Variants in ZFP1 observed in about 807,000 individuals in gnomAD.
The protein encoded by ZFP1 is ZFP1 zinc finger protein, also known as zinc finger protein 1 homolog.
Under a neutral mutation model 38.5 loss-of-function variants are expected in ZFP1, and 32 were observed. The ratio of observed to expected loss-of-function variants is 0.83; its 90% CI spans 0.63 to 1.12. ZFP1 has a LOEUF of 1.12. ZFP1 is among the 50% of genes most tolerant of loss of function. The pLI is 0.00. For synonymous variants in ZFP1, 245 were observed against 168.8 expected, an observed-to-expected ratio of 1.45 and a Z score of -3.50; for missense variants, 616 against 480.8, an observed-to-expected ratio of 1.28 and a Z score of -2.63.
Position 75,171,252 on chromosome 16 carries a change from A to C in ZFP1, c.*918A>C, listed in dbSNP as rs530444931. ...TCCTTGTTTCCCTTAATATTTCATG[A>C]ATTGTCTAGCAAAAATGGTAGGATG... On this transcript the variant is annotated 3_prime_UTR_variant, in exon 4 of 4. Coordinates refer to ENST00000570010, the MANE Select transcript of ZFP1 (RefSeq NM_153688.4). The C allele has an allele frequency of 6.6e-6, 1 of 152,336 alleles. No individual in the cohort carries two copies. The highest frequency in any genetic ancestry group is 6.5e-5 in the Admixed American group (1 of 15,292). The allele number at this position is 152,336 out of a possible 1,614,324, so 9.4% of individuals were successfully genotyped here.
At chr16:75,149,647 C>T (rs1212508770) in intron 1 of ZFP1, among the ~76,000 whole-genome samples, 2 of 150,960 alleles carry the variant, frequency 1.3e-5, no homozygotes, top group Admixed American at 6.6e-5. Context: ...GCAACCTCCG[C>T]CTCCTGGGTT....
At chr16:75,168,053 C>T (rs1254559721) in intron 3 of ZFP1, among the ~76,000 whole-genome samples, 1 of 151,948 alleles carries the variant, frequency 6.6e-6, no homozygotes, top group Non-Finnish European at 1.5e-5. Flanking sequence ...AGAGACCGAC[C>T]CCATCTCAAA....
At chr16:75,146,985 A>G (rs1395658477), upstream of ZFP1, among the ~76,000 whole-genome samples, 2 of 151,218 alleles carry the variant, frequency 1.3e-5, no homozygotes, top group African/African-American at 2.4e-5. Flanking sequence ...TGAGGGAAAC[A>G]TGAGGGAAAC....
intron 2 of ZFP1, 46 bp downstream of exon 2, chr16:75,153,012 G>A: frequency 6.2e-7 from 1 of 1,608,966 alleles, no homozygotes; most frequent in South Asian, 1.1e-5. Context: ...GTGCATTTAA[G>A]GAAGTTTATA....
Position 75,169,838 on chromosome 16 carries a change from C to G in ZFP1, c.728C>G (p.Pro243Arg), listed in dbSNP as rs766288174. The change falls in exon 4 of 4, where the codon CCG becomes CGG. Residue 243 changes from proline (P) to arginine (R), a missense_variant. Pro to Arg is a moderately radical substitution (Grantham distance 103, BLOSUM62 -2). Coordinates refer to ENST00000570010, the MANE Select transcript of ZFP1 (RefSeq NM_153688.4). ...ACTGGGGAGAAACCTTTCGAGTGTCCGGAATGTGGAAAAGCTTTCACCCAC... is the reference window on the plus strand; with the variant it reads ...ACTGGGGAGAAACCTTTCGAGTGTCGGGAATGTGGAAAAGCTTTCACCCAC... ...IHTGEKPFECPECGKAFTHQS... is the reference protein window; with the variant it reads ...IHTGEKPFECRECGKAFTHQS... 4 of 1,613,874 alleles carry G rather than the reference C, an allele frequency of 2.5e-6. No homozygotes were observed. The African/African-American group carries it at 5.3e-5, about 22-fold the overall frequency.
chr16:75,122,075 C>G, the ZFP1 span, among the ~76,000 whole-genome samples: 2 of 152,184 alleles, frequency 1.3e-5, no homozygotes, highest in African/African-American at 4.8e-5. Context: ...AAAGAAATAG[C>G]ACTCAAACAT....
At chr16:75,122,509 A>G in the ZFP1 span, among the ~76,000 whole-genome samples, 68,899 of 152,078 alleles carry the variant, frequency 0.45, 17,605 homozygotes, top group Middle Eastern at 0.6. Flanking sequence ...CCAGGAAGCT[A>G]AACTTTAAAA....
At chr16:75,136,256 A>G in the ZFP1 span, among the ~76,000 whole-genome samples, 1 of 152,248 alleles carries the variant, frequency 6.6e-6, no homozygotes, top group Non-Finnish European at 1.5e-5. Context: ...AGGCGCTGAC[A>G]TAAGTAACTT....
At chr16:75,127,273 A>G in the ZFP1 span, among the ~76,000 whole-genome samples, 1 of 152,162 alleles carries the variant, frequency 6.6e-6, no homozygotes, top group East Asian at 1.9e-4. Flanking sequence ...GGGCAGGGAA[A>G]GAGTCTCCCT....
the ZFP1 span, among the ~76,000 whole-genome samples, chr16:75,138,732 C>T: frequency 6.6e-6 from 1 of 152,212 alleles, no homozygotes; most frequent in Non-Finnish European, 1.5e-5. Context: ...GCCGCAGCAG[C>T]GAGGGAAATC....
intron 2 of ZFP1, among the ~76,000 whole-genome samples, chr16:75,165,080 C>T (rs1207204623): frequency 6.6e-6 from 1 of 152,178 alleles, no homozygotes; most frequent in East Asian, 1.9e-4. Context: ...GCTGGGATTA[C>T]AGGCATGAAC....
the ZFP1 span, among the ~76,000 whole-genome samples, chr16:75,140,597 C>G: frequency 6.6e-6 from 1 of 152,214 alleles, no homozygotes; most frequent in Admixed American, 6.5e-5. Context: ...GGCATGGCGC[C>G]TGCCACCAGC....
the ZFP1 span, among the ~76,000 whole-genome samples, chr16:75,120,835 C>T: frequency 1.3e-5 from 2 of 151,964 alleles, no homozygotes; most frequent in Admixed American, 1.3e-4. Flanking sequence ...CCGTGTTAGC[C>T]AGGATGGTCT....
At chr16:75,154,843 G>A (rs1208863408) in intron 2 of ZFP1, among the ~76,000 whole-genome samples, 1 of 152,048 alleles carries the variant, frequency 6.6e-6, no homozygotes, top group Non-Finnish European at 1.5e-5. Context: ...TGTCACACAG[G>A]CTGGAATGTA....
At chr16:75,167,740 G>C (rs1416143611) in intron 3 of ZFP1, among the ~76,000 whole-genome samples, 3 of 152,126 alleles carry the variant, frequency 2.0e-5, no homozygotes, top group East Asian at 1.9e-4. Context: ...TGGGATCACA[G>C]ACACACACCA....
rs372157180 is a variant in ZFP1, at chr16:75,170,355, G to A, written c.*21G>A. 13 of 1,543,532 alleles carry A rather than the reference G, an allele frequency of 8.4e-6. No individual in the cohort carries two copies. Among genetic ancestry groups the A allele is most frequent in the Non-Finnish European group, 9.6e-6 (11 of 1,146,128 alleles). ...CCTGAAACTCCAGCCAGGTCTTACTGTGGAAAACTCCTGCCAGAACTCTTC... is the reference window on the plus strand; with the variant it reads ...CCTGAAACTCCAGCCAGGTCTTACTATGGAAAACTCCTGCCAGAACTCTTC... On this transcript the variant is annotated 3_prime_UTR_variant, in exon 4 of 4. Coordinates refer to ENST00000570010, the MANE Select transcript of ZFP1 (RefSeq NM_153688.4).
At chr16:75,167,384 C>G (rs1395786148) in intron 3 of ZFP1, among the ~76,000 whole-genome samples, 1 of 143,630 alleles carries the variant, frequency 7.0e-6, no homozygotes, top group Non-Finnish European at 1.5e-5. Context: ...ATATCCGTCT[C>G]TCCCTGCTTA....
chr16:75,141,819 G>T, the ZFP1 span, among the ~76,000 whole-genome samples: 3 of 151,862 alleles, frequency 2.0e-5, no homozygotes, highest in Non-Finnish European at 2.9e-5. Context: ...GGGAGACTGA[G>T]GCGAGTGGAT....
At chr16:75,164,857 G>C (rs1285396848) in intron 2 of ZFP1, among the ~76,000 whole-genome samples, 1 of 151,744 alleles carries the variant, frequency 6.6e-6, no homozygotes, top group Non-Finnish European at 1.5e-5. Context: ...ACAGGATGGA[G>C]TGCAATGGCA....
Sources: allele counts gnomAD v4.1 joint callset (sites outside exome capture counted in the v4.1 genomes callset), GRCh38; gene constraint gnomAD v4.1.1; transcripts MANE v1.5; gene names NCBI Gene and HGNC (gene_info 2026-07-23, HGNC 2026-07-21).